The following ZER1 variants were observed in gnomAD, a reference collection of about 807,000 sequenced individuals.
ZER1 encodes protein zer-1 homolog.
Under a neutral mutation model 78.8 loss-of-function variants are expected in ZER1, and 11 were observed. The observed-to-expected ratio is 0.14, with a 90% confidence interval of 0.09 to 0.23. The LOEUF is 0.23. Ranked by LOEUF, ZER1 falls within the 10% of genes least tolerant of loss-of-function variation. The probability of loss-of-function intolerance (pLI) is 1.00; values close to 1 mark genes in which losing one functional copy is unlikely to be tolerated. For synonymous variants in ZER1, 400 were observed against 407.0 expected (o/e 0.98, Z 0.21); for missense variants, 588 against 996.9 (o/e 0.59, Z 5.52).
chr9:128,737,839 A>T (rs1863139317), intron 13 of ZER1, among the ~76,000 whole-genome samples: 1 of 151,276 alleles, frequency 6.6e-6, no homozygotes, highest in Non-Finnish European at 1.5e-5. Flanking sequence ...AGTAGCTGGG[A>T]TTACAGGTGC....
chr9:128,739,153 T>C (rs1221807254), intron 13 of ZER1, among the ~76,000 whole-genome samples: 3 of 151,894 alleles, frequency 2.0e-5, no homozygotes, highest in Non-Finnish European at 2.9e-5. Flanking sequence ...CCTGGCCTGA[T>C]TTTTAAAATT....
intron 13 of ZER1, among the ~76,000 whole-genome samples, chr9:128,738,234 TG>T (rs1469635436): frequency 7.1e-6 from 1 of 140,738 alleles, no homozygotes; most frequent in Admixed American, 7.4e-5. Context: ...TTAGTAGAGG[TG>T]GGGTTTCACT....
intron 14 of ZER1, among the ~76,000 whole-genome samples, chr9:128,734,502 T>C (rs1441421427): frequency 6.6e-6 from 1 of 151,432 alleles, no homozygotes; most frequent in African/African-American, 2.4e-5. Context: ...CGGACTAATT[T>C]TTTTTTTTTT....
Position 128,754,332 on chromosome 9 carries a change from G to T in ZER1, c.159-373C>A, listed in dbSNP as rs1863788261. On this transcript the variant is annotated intron_variant, in intron 2 of 15. Transcript: ENST00000291900. The surrounding 1 kb of genome is among the most constrained non-coding windows in gnomAD (Gnocchi z 4.3). ...TTAAACAGGCAAACTAAGCCAAGTA[G>T]TTCAGAGTTCCCAGCTGGGTACAGG... 6.6e-6 allele frequency among the ~76,000 whole-genome samples: 1 copy of T among 152,222 alleles called. No individual in the cohort carries two copies. Among genetic ancestry groups the T allele is most frequent in the Non-Finnish European group, 1.5e-5 (1 of 68,042 alleles).
chr9:128,750,973 G>T, intron 7 of ZER1, 149 bp downstream of exon 7: 1 of 1,383,144 alleles, frequency 7.2e-7, no homozygotes, highest in Non-Finnish European at 9.7e-7. Flanking sequence ...AGCAAGTCAA[G>T]TGCTGTGAGG....
intron 4 of ZER1, 25 bp from the exon 5 acceptor site, chr9:128,752,874 G>A (rs758344308): frequency 1.9e-6 from 3 of 1,606,360 alleles, no homozygotes; most frequent in Admixed American, 3.4e-5. Flanking sequence ...AGGGGGTGCA[G>A]GTTAGGAGCT....
In ZER1 at chr9:128,751,054, C is replaced by T; in HGVS notation, c.1185+68G>A. 1 of 1,523,170 alleles carries T rather than the reference C, an allele frequency of 6.6e-7. No individual in the cohort carries two copies. Among genetic ancestry groups the T allele is most frequent in the South Asian group, 1.3e-5 (1 of 78,626 alleles). The allele number at this position is 1,523,170 out of a possible 1,614,324, so 94.4% of individuals were successfully genotyped here. On this transcript the variant is annotated intron_variant, in intron 7 of 15. Coordinates refer to ENST00000291900, the MANE Select transcript of ZER1 (RefSeq NM_006336.4). The surrounding 1 kb of genome is among the most constrained non-coding windows in gnomAD (Gnocchi z 5.4). ...AAGGACACAGGCTCTGGGGACACGG[C>T]TCAGCCAAGCCCGGCAACCTCCAGG...
chr9:128,735,343 A>C lies in ZER1; in HGVS notation c.2131T>G (p.Ser711Ala). 6.2e-7 allele frequency: 1 copy of C among 1,613,576 alleles called. No homozygotes were observed. The highest frequency in any genetic ancestry group is 8.5e-7 in the Non-Finnish European group (1 of 1,179,800). The change falls in exon 14 of 16, where the codon TCT becomes GCT. Residue 711 changes from serine to alanine, a missense_variant. Ser to Ala is a moderately conservative substitution (Grantham distance 99). This residue lies in a region of ZER1 where 122 missense variants were observed against 173.5 expected (regional missense o/e 0.70). Transcript: ENST00000291900. ...ACAAGTTGGCACTCACGGTAGACAG[A>C]CACGAGGTTATACAGGGCCCAGGTT... ...WATWALYNLV[S>A]VYPDKYCPLL...
chr9:128,759,418 C>T (rs544786661), intron 1 of ZER1, among the ~76,000 whole-genome samples: 1 of 151,064 alleles, frequency 6.6e-6, no homozygotes, highest in African/African-American at 2.4e-5. Flanking sequence ...CTCAGGTGAT[C>T]CGCCCATCTC....
chr9:128,753,427 G>A lies in ZER1; in HGVS notation c.483C>T (p.Thr161=). 7 of 1,614,214 alleles carry A rather than the reference G, an allele frequency of 4.3e-6. No homozygotes were observed. Among genetic ancestry groups the A allele is most frequent in the Admixed American group, 1.7e-5 (1 of 60,018 alleles). Residue 161 remains threonine, a synonymous_variant, in exon 4 of 16, where the codon ACC becomes ACT. Transcript: ENST00000291900. The surrounding 1 kb of genome is among the most constrained non-coding windows in gnomAD (Gnocchi z 7.5). The stretch of plus-strand genomic sequence containing the variant: ...TGAAATCCTTAACCAGCACCTGGCA[G>A]GTGGGGTTGACGAGGTACTCATCTT... ...GCEDEYLVNP[T]CQVLVKDFTF... is the part of the protein sequence containing the mutation.
chr9:128,760,603 C>A (rs1181398913), intron 1 of ZER1, among the ~76,000 whole-genome samples: 1 of 152,046 alleles, frequency 6.6e-6, no homozygotes. Context: ...TCCATTGAGG[C>A]CAACATAGTG....
At position 128,755,560 on chromosome 9, in the gene ZER1, C is replaced by G; in HGVS notation, c.6G>C (p.Ala2=). The part of the protein sequence containing the change: M[A]SDTPESLMAL... ...CCATCAGCGACTCGGGAGTGTCGGA[C>G]GCCATGCTGGGGGCAAGCAGGTGGG... The change falls in exon 2 of 16, where the codon GCG becomes GCC. Residue 2 remains alanine, a synonymous_variant. Coordinates refer to ENST00000291900, the MANE Select transcript of ZER1 (RefSeq NM_006336.4). This position sits in a 1 kb window ranked among gnomAD's most constrained non-coding sequence, Gnocchi z 5.6. 1 of 1,611,866 alleles carries G rather than the reference C, an allele frequency of 6.2e-7. No homozygotes were observed. Among genetic ancestry groups the G allele is most frequent in the Non-Finnish European group, 8.5e-7 (1 of 1,178,146 alleles).
chr9:128,753,391 GC>G lies in ZER1; in HGVS notation c.518del (p.Gly173AlafsTer13). 1 of 1,614,116 alleles carries G rather than the reference GC, an allele frequency of 6.2e-7. No homozygotes were observed. ...AGTTGAGGAAGCGGAGGCGGCTGAAGCCCTCGAAGGTGAAATCCTTAACCAG... is the reference window on the plus strand; with the variant it reads ...AGTTGAGGAAGCGGAGGCGGCTGAAGCCTCGAAGGTGAAATCCTTAACCAG... ...QVLVKDFTFE[G>X]FSRLRFLNLG... On this transcript the variant is annotated frameshift_variant, in exon 4 of 16. Transcript: ENST00000291900. LOFTEE classifies it high-confidence loss of function. The surrounding 1 kb of genome is among the most constrained non-coding windows in gnomAD (Gnocchi z 7.5).
At chr9:128,764,133 C>T (rs918468808) in intron 1 of ZER1, among the ~76,000 whole-genome samples, 4 of 152,084 alleles carry the variant, frequency 2.6e-5, no homozygotes, top group Non-Finnish European at 5.9e-5. Context: ...GGGACGTTGG[C>T]ACTACGGGCC....
Position 128,755,510 on chromosome 9 carries a change from C to A in ZER1, c.56G>T (p.Arg19Leu). The change falls in exon 2 of 16, where the codon CGC becomes CTC. Residue 19 changes from arginine (R) to leucine (L), a missense_variant. Physicochemically the swap from Arg to Leu is moderately radical, Grantham distance 102 (BLOSUM62 -2). Coordinates refer to ENST00000291900, the MANE Select transcript of ZER1 (RefSeq NM_006336.4). This position sits in a 1 kb window ranked among gnomAD's most constrained non-coding sequence, Gnocchi z 5.6. The part of the protein sequence containing the change: ...LMALCTDFCL[R>L]NLDGTLGYLL... Reference sequence around the variant, plus strand: ...GTAGCCCAGGGTGCCATCCAGGTTGCGCAAGCAGAAGTCAGTACAGAGGGC... The same window carrying A: ...GTAGCCCAGGGTGCCATCCAGGTTGAGCAAGCAGAAGTCAGTACAGAGGGC... 1.9e-6 allele frequency: 3 copies of A among 1,613,956 alleles called. No homozygotes were observed. Among genetic ancestry groups the A allele is most frequent in the Non-Finnish European group, 1.7e-6 (2 of 1,180,006 alleles).
chr9:128,769,271 A>G (rs551028044), intron 1 of ZER1, among the ~76,000 whole-genome samples: 10 of 152,202 alleles, frequency 6.6e-5, no homozygotes, highest in Non-Finnish European at 1.3e-4. Context: ...GCAGACATAC[A>G]TGCCCACATT....
intron 1 of ZER1, among the ~76,000 whole-genome samples, chr9:128,759,900 G>A (rs2132470112): frequency 6.6e-6 from 1 of 152,258 alleles, no homozygotes; most frequent in South Asian, 2.1e-4. Flanking sequence ...TTTTTTCTGA[G>A]ACAGAGTCTC....
At position 128,741,788 on chromosome 9, in the gene ZER1, G is replaced by T; in HGVS notation, c.1617+12C>A. 1 of 1,614,200 alleles carries T rather than the reference G, an allele frequency of 6.2e-7. No homozygotes were observed. The highest frequency in any genetic ancestry group is 8.5e-7 in the Non-Finnish European group (1 of 1,180,034). ...GGAAAGGGTAGCGTGGCTTCGTGAAGACTTGACTTACTGTCTTGTCCAGCA... is the reference window on the plus strand; with the variant it reads ...GGAAAGGGTAGCGTGGCTTCGTGAATACTTGACTTACTGTCTTGTCCAGCA... On this transcript the variant is annotated intron_variant, in intron 10 of 15. Coordinates refer to ENST00000291900, the MANE Select transcript of ZER1 (RefSeq NM_006336.4).
At position 128,753,124 on chromosome 9, in the gene ZER1, C is replaced by T. The variant is rs758569532; in HGVS notation, c.746+40G>A. 1 of 1,492,446 alleles carries T rather than the reference C, an allele frequency of 6.7e-7. No homozygotes were observed. The highest frequency in any genetic ancestry group is 2.5e-5 in the East Asian group (1 of 40,508). The allele number at this position is 1,492,446 out of a possible 1,614,324, so 92.5% of individuals were successfully genotyped here. ...CACCTCTACTCCTCCCCACCTGCCC[C>T]CCAAACCCCACCCTGGTGAGCTCTG... On this transcript the variant is annotated intron_variant, in intron 4 of 15. Transcript: ENST00000291900. This position sits in a 1 kb window ranked among gnomAD's most constrained non-coding sequence, Gnocchi z 7.5.
Sources: allele counts gnomAD v4.1 joint callset (sites outside exome capture counted in the v4.1 genomes callset), GRCh38; gene constraint gnomAD v4.1.1; regional missense constraint gnomAD v4.1.1; non-coding constraint Gnocchi (gnomAD v3.1); transcripts MANE v1.5; gene names NCBI Gene and HGNC (gene_info 2026-07-23, HGNC 2026-07-21).